The following AMZ1 variants were observed in gnomAD, a reference collection of about 807,000 sequenced individuals.
AMZ1 encodes the protein archaemetzincin-1.
In AMZ1, 39 loss-of-function variants were observed where a neutral mutation model predicts 29.9. The observed-to-expected ratio is 1.30, with a 90% CI of 1.01 to 1.70. The LOEUF (loss-of-function observed/expected upper bound fraction) is 1.70. Ranked by LOEUF, AMZ1 falls within the 40% of genes most tolerant of loss-of-function variation. The pLI is 0.00. For synonymous variants in AMZ1, 458 were observed against 304.0 expected (o/e 1.51, Z -5.27); for missense variants, 1,041 against 680.6 (o/e 1.53, Z -5.89).
intron 4 of AMZ1, among the ~76,000 whole-genome samples, chr7:2,754,724 G>A (rs1003369412): frequency 2.6e-5 from 4 of 152,146 alleles, no homozygotes; most frequent in Admixed American, 6.5e-5. Flanking sequence ...ACTCCAGTCC[G>A]AGCAACAGAG....
intron 1 of AMZ1, among the ~76,000 whole-genome samples, chr7:2,694,277 G>T (rs986223744): frequency 1.3e-5 from 2 of 152,174 alleles, no homozygotes; most frequent in East Asian, 1.9e-4. Flanking sequence ...CGCTGGAGCT[G>T]GGACATGTCA....
At chr7:2,711,864 T>G (rs1347147872) in intron 6 of AMZ1, among the ~76,000 whole-genome samples, 1 of 152,078 alleles carries the variant, frequency 6.6e-6, no homozygotes, top group Non-Finnish European at 1.5e-5. Context: ...GCTAACATGG[T>G]GAAACCCCGT....
At chr7:2,743,807 T>C (rs915524732) in intron 4 of AMZ1, among the ~76,000 whole-genome samples, 3 of 151,706 alleles carry the variant, frequency 2.0e-5, no homozygotes, top group Non-Finnish European at 4.4e-5. Flanking sequence ...ACCTGGAAAA[T>C]TGGGTCACTC....
At chr7:2,685,975 G>C (rs186076863), upstream of AMZ1, among the ~76,000 whole-genome samples, 25 of 152,198 alleles carry the variant, frequency 1.6e-4, no homozygotes, top group Non-Finnish European at 7.4e-5. Flanking sequence ...GCAGCTTTCT[G>C]AGTCACAATC....
upstream of AMZ1, among the ~76,000 whole-genome samples, chr7:2,687,927 G>A (rs1188156493): frequency 3.3e-5 from 5 of 152,246 alleles, no homozygotes; most frequent in Non-Finnish European, 7.3e-5. Context: ...AGAGTAGCCG[G>A]GTTTACTCCT....
rs146838251 is a variant in AMZ1 at position 2,683,185 on chromosome 7, G to A, written c.-219+3514G>A. On this transcript the variant is annotated intron_variant, in intron 1 of 6. Transcript: ENST00000312371. ...TGTGGATGAGTTTCCTGCGGCTGCC[G>A]TGACAAATGACCACAGCTGTGCGGC... Among the ~76,000 whole-genome samples the A allele has an allele frequency of 8.0e-3, 1,217 of 152,308 alleles. 6 individuals carry two copies. Among genetic ancestry groups the A allele is most frequent in the Admixed American group, 0.015 (226 of 15,294 alleles).
chr7:2,753,791 C>T (rs984722009), intron 4 of AMZ1, among the ~76,000 whole-genome samples: 3 of 151,994 alleles, frequency 2.0e-5, no homozygotes, highest in Non-Finnish European at 4.4e-5. Context: ...TACTCCTGTG[C>T]CATAAGTTTT....
chr7:2,737,286 T>G lies in AMZ1; in HGVS notation n.551-27426T>G, dbSNP rs1260927804. Among the ~76,000 whole-genome samples, 8 of 41,082 alleles carry G rather than the reference T, an allele frequency of 1.9e-4. 1 individual carries two copies. The highest frequency in any genetic ancestry group is 4.7e-4 in the East Asian group (1 of 2,150). The allele number at this position is 41,082 out of a possible 152,430, so 27.0% of individuals were successfully genotyped here. On this transcript the variant is annotated intron_variant and non_coding_transcript_variant, in intron 4 of 4. Transcript: ENST00000489665. Reference sequence around the variant, plus strand: ...ACAGTTTTGTTTTGTTTTTTTTTTTTTTGTTTTTTTTTTTTTTTTTGAGAT... The same window carrying G: ...ACAGTTTTGTTTTGTTTTTTTTTTTGTTGTTTTTTTTTTTTTTTTTGAGAT...
intron 2 of AMZ1, among the ~76,000 whole-genome samples, chr7:2,701,262 T>C (rs73281175): frequency 0.04 from 6,100 of 151,810 alleles, 403 homozygotes; most frequent in African/African-American, 0.14. Flanking sequence ...TTTGGGGTGC[T>C]GAAATGAGGA....
At chr7:2,754,583 A>T (rs1375728255) in intron 4 of AMZ1, among the ~76,000 whole-genome samples, 2 of 65,764 alleles carry the variant, frequency 3.0e-5, no homozygotes, top group Non-Finnish European at 7.2e-5. Flanking sequence ...TCTCTACTTT[A>T]AAAAAAAAAA....
intron 4 of AMZ1, 85 bp from the exon 5 acceptor site, chr7:2,708,990 A>G (rs1434713792): frequency 2.3e-5 from 34 of 1,453,716 alleles, no homozygotes; most frequent in Non-Finnish European, 2.9e-5. Flanking sequence ...GCCAGCTTGC[A>G]TGAGAGCATG....
At chr7:2,754,921 C>T (rs1042731057) in intron 4 of AMZ1, among the ~76,000 whole-genome samples, 6 of 152,202 alleles carry the variant, frequency 3.9e-5, no homozygotes, top group South Asian at 2.1e-4. Context: ...TAGAGTTCTG[C>T]GCTTTACACT....
intron 5 of AMZ1, 27 bp downstream of exon 5, chr7:2,709,271 G>A (rs1221176087): frequency 3.4e-6 from 5 of 1,478,302 alleles, no homozygotes; most frequent in Non-Finnish European, 4.5e-6. Flanking sequence ...GGGCTGGTAA[G>A]AGGGGACAGG....
In AMZ1 at chr7:2,715,372, C is replaced by A. The variant is rs945420126; in HGVS notation, c.*2494C>A. The A allele has an allele frequency of 1.3e-5, 2 of 152,370 alleles. No individual in the cohort carries two copies. The highest frequency in any genetic ancestry group is 2.9e-5 in the Non-Finnish European group (2 of 68,050). 9.4% of individuals were successfully genotyped at this position (152,370 alleles called of 1,614,324 possible). On this transcript the variant is annotated 3_prime_UTR_variant, in exon 7 of 7. Transcript: ENST00000683327. ...GGTGGCCTGACCTGTTTTCCGATTT[C>A]CTTCATCTTCTGCAAAAGGTTAACC...
intron 4 of AMZ1, among the ~76,000 whole-genome samples, chr7:2,740,145 G>A (rs1433609942): frequency 6.6e-6 from 1 of 152,040 alleles, no homozygotes; most frequent in Non-Finnish European, 1.5e-5. Flanking sequence ...TACTAGCTGT[G>A]AAATGGCACT....
At chr7:2,733,480 G>A (rs1397633367) in intron 4 of AMZ1, 1 of 1,613,888 alleles carries the variant, frequency 6.2e-7, no homozygotes, top group Non-Finnish European at 8.5e-7. Flanking sequence ...AAGTTGTCCA[G>A]GAAGTACTTC....
At chr7:2,748,418 C>T (rs2115352709) in intron 4 of AMZ1, among the ~76,000 whole-genome samples, 1 of 152,254 alleles carries the variant, frequency 6.6e-6, no homozygotes, top group African/African-American at 2.4e-5. Context: ...GAAAGGATTC[C>T]CTATTTAATA....
At chr7:2,755,682 G>A (rs896541814) in intron 4 of AMZ1, among the ~76,000 whole-genome samples, 12 of 152,150 alleles carry the variant, frequency 7.9e-5, no homozygotes, top group African/African-American at 2.9e-4. Flanking sequence ...CTGCCAACAG[G>A]AACAGTCATA....
chr7:2,688,878 A>G (rs942734936), intron 1 of AMZ1, among the ~76,000 whole-genome samples: 1 of 152,168 alleles, frequency 6.6e-6, no homozygotes, highest in Non-Finnish European at 1.5e-5. Flanking sequence ...AAAGCAAGGG[A>G]GGGGTGACAG....
Sources: allele counts gnomAD v4.1 joint callset (sites outside exome capture counted in the v4.1 genomes callset), GRCh38; gene constraint gnomAD v4.1.1; transcripts MANE v1.5; gene names NCBI Gene and HGNC (gene_info 2026-07-23, HGNC 2026-07-21).